The following CHL1 variants were observed in gnomAD, a reference collection of about 807,000 sequenced individuals.
CHL1 encodes the protein neural cell adhesion molecule L1-like protein.
CHL1 carries 96 observed loss-of-function variants against 141.9 expected under a neutral mutation model. The observed-to-expected ratio is 0.68, with a 90% CI of 0.57 to 0.80. CHL1 has a LOEUF of 0.80. Ranked by LOEUF, CHL1 falls within the 30% of genes least tolerant of loss-of-function variation. CHL1 has a pLI of 0.00. For synonymous variants in CHL1, 613 were observed against 502.2 expected (o/e 1.22, Z -2.95); for missense variants, 1,820 against 1,457.2 (o/e 1.25, Z -4.05).
At chr3:376,359 C>T (rs771559463) in intron 15 of CHL1, 2 of 511,100 alleles carry the variant, frequency 3.9e-6, no homozygotes, top group South Asian at 1.4e-5. Flanking sequence ...TGGCCCTTGC[C>T]CCATCTCCAA....
At position 316,465 on chromosome 3, in the gene CHL1, AG is replaced by A. The variant is rs145490423; in HGVS notation, c.-94-3215del. ...AAATTTTTCTTTTGAAGTGGTTGGC[AG>A]GGATGTTTTTTTTCCTAAGGATGAG... On this transcript the variant is annotated intron_variant, in intron 2 of 27. Coordinates refer to ENST00000256509, the MANE Select transcript of CHL1 (RefSeq NM_006614.4). Among the ~76,000 whole-genome samples, 906 of 151,942 alleles carry A rather than the reference AG, an allele frequency of 6.0e-3. 9 individuals carry two copies. The highest frequency in any genetic ancestry group is 0.021 in the African/African-American group (878 of 41,498).
chr3:225,775 T>C (rs539826127), intron 1 of CHL1, among the ~76,000 whole-genome samples: 23 of 152,180 alleles, frequency 1.5e-4, no homozygotes, highest in South Asian at 4.1e-4. Context: ...TTTGGGAGGC[T>C]GAGGTGGGCA....
intron 2 of CHL1, among the ~76,000 whole-genome samples, chr3:288,720 CTA>C (rs1388570498): frequency 1.3e-5 from 2 of 152,106 alleles, no homozygotes; most frequent in Non-Finnish European, 2.9e-5. Flanking sequence ...TTTGCATTCT[CTA>C]TGTGTCAGGC....
intron 1 of CHL1, among the ~76,000 whole-genome samples, chr3:204,434 GGAATAGACCA>G (rs1699231409): frequency 1.3e-5 from 2 of 152,324 alleles, no homozygotes; most frequent in South Asian, 4.1e-4. Flanking sequence ...GGACGATGAA[GGAATAGACCA>G]GAATGCACTG....
intron 2 of CHL1, among the ~76,000 whole-genome samples, chr3:303,274 G>A (rs1053553849): frequency 1.3e-5 from 2 of 151,630 alleles, no homozygotes; most frequent in Admixed American, 6.6e-5. Flanking sequence ...TTCCAATTCT[G>A]TGAAGAAAGT....
At chr3:389,497 C>A (rs768340861) in intron 20 of CHL1, 23 bp downstream of exon 20, 2 of 1,550,894 alleles carry the variant, frequency 1.3e-6, no homozygotes, top group Non-Finnish European at 1.8e-6. Context: ...CCTAAAACTG[C>A]TAAGCACGTC....
intron 1 of CHL1, among the ~76,000 whole-genome samples, chr3:208,628 A>G (rs1220430336): frequency 6.6e-6 from 1 of 152,192 alleles, no homozygotes; most frequent in African/African-American, 2.4e-5. Flanking sequence ...GCATTCCAGT[A>G]TCCGTTTTGG....
At chr3:339,157 A>T (rs548161598) in intron 5 of CHL1, among the ~76,000 whole-genome samples, 64 of 152,202 alleles carry the variant, frequency 4.2e-4, no homozygotes, top group Non-Finnish European at 7.8e-4. Context: ...GCCAGTGTTT[A>T]CTGGGCTTAA....
chr3:224,403 C>T (rs946523736), intron 1 of CHL1, among the ~76,000 whole-genome samples: 8 of 152,010 alleles, frequency 5.3e-5, no homozygotes, highest in Non-Finnish European at 8.8e-5. Context: ...CCCCAGTGTT[C>T]GAGATTAGGC....
chr3:286,200 C>A lies in CHL1; in HGVS notation c.-94-33483C>A, dbSNP rs1297318490. Among the ~76,000 whole-genome samples the A allele has an allele frequency of 3.9e-5, 6 of 152,302 alleles. No individual in the cohort carries two copies. The East Asian group carries it at 1.2e-3, about 29-fold the overall frequency. ...CTCCTGCAAGGCACTTATCACAACC[C>A]TTAATGTTTTTTGTTATTCGCAGGG... is the stretch of plus-strand genomic sequence containing the variant. On this transcript the variant is annotated intron_variant, in intron 2 of 27. Transcript: ENST00000256509.
intron 5 of CHL1, among the ~76,000 whole-genome samples, chr3:332,612 T>G (rs746652117): frequency 4.6e-5 from 7 of 152,188 alleles, no homozygotes; most frequent in Non-Finnish European, 8.8e-5. Context: ...CAAGTGGACA[T>G]TTCTGAGTTA....
chr3:223,411 TA>T (rs2124992980), intron 1 of CHL1, among the ~76,000 whole-genome samples: 1 of 152,316 alleles, frequency 6.6e-6, no homozygotes, highest in Non-Finnish European at 1.5e-5. Flanking sequence ...ATTCTTGGAG[TA>T]ATTTACTATT....
chr3:397,232 G>T (rs1708752385), intron 24 of CHL1, among the ~76,000 whole-genome samples: 1 of 151,950 alleles, frequency 6.6e-6, no homozygotes, highest in Admixed American at 6.6e-5. Context: ...AAAATTAATT[G>T]CACTCTGTTT....
At chr3:293,843 A>C (rs530103446) in intron 2 of CHL1, among the ~76,000 whole-genome samples, 2 of 146,984 alleles carry the variant, frequency 1.4e-5, no homozygotes, top group East Asian at 2.0e-4. Context: ...TTGCTCTGTC[A>C]CTCAGCCTCT....
chr3:371,389 T>G (rs1705609202), intron 15 of CHL1, among the ~76,000 whole-genome samples: 1 of 152,194 alleles, frequency 6.6e-6, no homozygotes, highest in Non-Finnish European at 1.5e-5. Context: ...TGATCTTTGT[T>G]GGTTTTAAGT....
intron 11 of CHL1, 107 bp from the exon 12 acceptor site, chr3:360,177 C>T: frequency 7.6e-7 from 1 of 1,307,882 alleles, no homozygotes; most frequent in Non-Finnish European, 1.1e-6. Context: ...ATTAGTCACC[C>T]TAAACTGGTT....
At chr3:259,422 A>C (rs1450330951) in intron 2 of CHL1, among the ~76,000 whole-genome samples, 1 of 152,094 alleles carries the variant, frequency 6.6e-6, no homozygotes, top group Non-Finnish European at 1.5e-5. Flanking sequence ...ATTTGAAAAT[A>C]TATGAAGTGT....
intron 2 of CHL1, among the ~76,000 whole-genome samples, chr3:300,766 GA>G (rs35652774): frequency 0.032 from 4,718 of 147,806 alleles, 233 homozygotes; most frequent in African/African-American, 0.11. Flanking sequence ...TTATTTCTAG[GA>G]AAAAAAAAAG....
chr3:341,280 A>G (rs9867559), intron 6 of CHL1, among the ~76,000 whole-genome samples: 1 of 152,132 alleles, frequency 6.6e-6, no homozygotes. Context: ...TGATCTGAAA[A>G]TCTAGCTTTG....
Sources: gnomAD v4.1 joint callset for allele counts (sites outside exome capture counted in the v4.1 genomes callset) on GRCh38, gnomAD v4.1.1 for gene constraint, MANE v1.5 for transcripts, NCBI Gene and HGNC (gene_info 2026-07-23, HGNC 2026-07-21) for gene names.